Variants in CHL1 observed in about 807,000 individuals in gnomAD.
The protein encoded by CHL1 is neural cell adhesion molecule L1-like protein.
In CHL1, 96 loss-of-function variants were observed where a neutral mutation model predicts 141.9. That is an observed-to-expected ratio of 0.68 (90% CI 0.57 to 0.80). The LOEUF (loss-of-function observed/expected upper bound fraction) is 0.80. CHL1 is among the 30% of genes least tolerant of loss of function. The pLI is 0.00. For synonymous variants in CHL1, 613 were observed against 502.2 expected (o/e 1.22, Z -2.95); for missense variants, 1,820 against 1,457.2 (o/e 1.25, Z -4.05).
chr3:390,514 C>T (rs1708134282), intron 20 of CHL1, among the ~76,000 whole-genome samples, 187 bp from the exon 21 acceptor site: 2 of 152,166 alleles, frequency 1.3e-5, no homozygotes, highest in South Asian at 4.1e-4. Flanking sequence ...TACAGTCTGT[C>T]CTCTTCTTTG....
chr3:197,765 C>A (rs1421722511), intron 1 of CHL1: 1 of 455,614 alleles, frequency 2.2e-6, no homozygotes, highest in East Asian at 7.0e-5. Context: ...CGAGAGGGCG[C>A]GCCGGGGGCC....
chr3:282,239 C>T (rs552573228), intron 2 of CHL1, among the ~76,000 whole-genome samples: 1 of 152,164 alleles, frequency 6.6e-6, no homozygotes, highest in African/African-American at 2.4e-5. Flanking sequence ...TAATAGTATA[C>T]AGAAACTTTG....
chr3:384,674 C>A (rs1477306768), intron 19 of CHL1: 1 of 152,076 alleles, frequency 6.6e-6, no homozygotes, highest in African/African-American at 2.4e-5. Flanking sequence ...ATTGGCCTAC[C>A]TAAAAGGAAA....
At chr3:216,392 G>A (rs1274000300) in intron 1 of CHL1, among the ~76,000 whole-genome samples, 1 of 152,124 alleles carries the variant, frequency 6.6e-6, no homozygotes, top group Non-Finnish European at 1.5e-5. Context: ...TCACTTTTGT[G>A]TATTCTTTCT....
chr3:271,234 G>T (rs1438614275), intron 2 of CHL1, among the ~76,000 whole-genome samples: 1 of 152,174 alleles, frequency 6.6e-6, no homozygotes, highest in African/African-American at 2.4e-5. Flanking sequence ...CTGATTTTCA[G>T]TTTTCTCTTA....
rs1559293098 is a variant in CHL1, at chr3:349,411, A to G, written c.901A>G (p.Arg301Gly). The change falls in exon 10 of 28, where the codon AGA (arginine) becomes GGA (glycine). Residue 301 changes from arginine (R) to glycine (G), a missense_variant. Transcript: ENST00000256509. ...NKIGGDLPKG[R>G]ETKENYGKTL... is the part of the protein sequence containing the mutation. ...AATTGGTGGTGACTTACCAAAGGGG[A>G]GAGAAACAAAAGAAAATTATGGCAA... The G allele has an allele frequency of 8.7e-6, 14 of 1,613,892 alleles. No homozygotes were observed. The highest frequency in any genetic ancestry group is 1.2e-5 in the Non-Finnish European group (14 of 1,179,784).
chr3:316,648 G>T (rs1320056595), intron 2 of CHL1, among the ~76,000 whole-genome samples: 1 of 151,724 alleles, frequency 6.6e-6, no homozygotes, highest in Non-Finnish European at 1.5e-5. Flanking sequence ...AGTATGACTG[G>T]AATGTTTATA....
intron 3 of CHL1, among the ~76,000 whole-genome samples, chr3:321,484 T>G (rs1010926248): frequency 2.0e-5 from 3 of 152,106 alleles, no homozygotes; most frequent in African/African-American, 7.2e-5. Flanking sequence ...AGCAAGCTTC[T>G]TGGTAATCCT....
intron 1 of CHL1, among the ~76,000 whole-genome samples, chr3:212,446 A>T (rs952211679): frequency 2.0e-5 from 3 of 152,124 alleles, no homozygotes; most frequent in Admixed American, 2.0e-4. Context: ...TTCACTCACC[A>T]TTCTGGAAAA....
chr3:292,659 C>T (rs943495646), intron 2 of CHL1, among the ~76,000 whole-genome samples: 5 of 152,160 alleles, frequency 3.3e-5, no homozygotes, highest in African/African-American at 1.2e-4. Context: ...TTAGTTGGCT[C>T]ATGGTTCTGC....
intron 26 of CHL1, 58 bp from the exon 27 acceptor site, chr3:401,568 T>C (rs1709139059): frequency 1.0e-6 from 1 of 999,942 alleles, no homozygotes; most frequent in Admixed American, 1.9e-5. Flanking sequence ...ACAGCACTGG[T>C]AAAATGTCTT....
intron 27 of CHL1, among the ~76,000 whole-genome samples, chr3:404,492 C>T (rs1438178530): frequency 1.3e-5 from 2 of 152,066 alleles, no homozygotes; most frequent in East Asian, 3.9e-4. Context: ...TTTAGAAGAT[C>T]ATACCATTTG....
At chr3:288,204 C>T (rs1478447356) in intron 2 of CHL1, among the ~76,000 whole-genome samples, 1 of 152,098 alleles carries the variant, frequency 6.6e-6, no homozygotes, top group Admixed American at 6.5e-5. Flanking sequence ...CATTTTTCAC[C>T]AGAAAGTTGG....
chr3:241,394 A>G (rs562418997), intron 1 of CHL1, among the ~76,000 whole-genome samples: 10 of 152,316 alleles, frequency 6.6e-5, no homozygotes, highest in African/African-American at 2.4e-4. Context: ...ACTTTGAAAT[A>G]TTAGATAACT....
intron 5 of CHL1, among the ~76,000 whole-genome samples, chr3:330,403 C>G (rs1056926977): frequency 5.3e-5 from 8 of 151,926 alleles, no homozygotes; most frequent in Non-Finnish European, 1.2e-4. Flanking sequence ...AATTAATGAT[C>G]TTAGCTTATT....
chr3:233,131 A>G (rs1479650398), intron 1 of CHL1, among the ~76,000 whole-genome samples: 3 of 152,064 alleles, frequency 2.0e-5, no homozygotes, highest in Non-Finnish European at 2.9e-5. Context: ...TGATCTTGTC[A>G]TTTCTTACTA....
chr3:268,998 T>C (rs990194668), intron 2 of CHL1, among the ~76,000 whole-genome samples: 2 of 152,202 alleles, frequency 1.3e-5, no homozygotes, highest in African/African-American at 4.8e-5. Flanking sequence ...TGCTCTCAAA[T>C]TGGTAACTAG....
chr3:255,035 T>C (rs1223646271), intron 2 of CHL1, among the ~76,000 whole-genome samples: 1 of 152,186 alleles, frequency 6.6e-6, no homozygotes, highest in African/African-American at 2.4e-5. Flanking sequence ...CTAGCTACAA[T>C]TGTTCTGAAT....
At chr3:353,715 A>G (rs977028784) in intron 10 of CHL1, among the ~76,000 whole-genome samples, 5 of 152,320 alleles carry the variant, frequency 3.3e-5, no homozygotes, top group Admixed American at 6.5e-5. Context: ...ATACATACAT[A>G]TATCTTTGAA....
Sources: allele counts gnomAD v4.1 joint callset (sites outside exome capture counted in the v4.1 genomes callset), GRCh38; gene constraint gnomAD v4.1.1; transcripts MANE v1.5; gene names NCBI Gene and HGNC (gene_info 2026-07-23, HGNC 2026-07-21).